The following BSDC1 variants were observed in gnomAD, a reference collection of about 807,000 sequenced individuals.
The protein encoded by BSDC1 is BSD domain containing 1.
A neutral mutation model predicts 56.0 loss-of-function variants in BSDC1; 29 were observed. The observed-to-expected ratio is 0.52, with a 90% CI of 0.39 to 0.71. The LOEUF is 0.71. Among genes scored for constraint, BSDC1 ranks in the 30% least tolerant of loss-of-function variants. The pLI is 0.00. For synonymous variants in BSDC1, 210 were observed against 215.3 expected, an observed-to-expected ratio of 0.98 and a Z score of 0.21; for missense variants, 477 against 548.5, an observed-to-expected ratio of 0.87 and a Z score of 1.30.
chr1:32,390,356 G>A (rs1390873462), intron 2 of BSDC1, among the ~76,000 whole-genome samples: 1 of 152,190 alleles, frequency 6.6e-6, no homozygotes, highest in African/African-American at 2.4e-5. Context: ...GAGAGGATGA[G>A]ACTGGTTCAA....
chr1:32,370,577 G>A (rs1642038695), intron 9 of BSDC1, among the ~76,000 whole-genome samples: 1 of 151,904 alleles, frequency 6.6e-6, no homozygotes, highest in South Asian at 2.1e-4. Flanking sequence ...GCCGAGACAG[G>A]TGGATCACGA....
Position 32,394,428 on chromosome 1 carries a change from C to T in BSDC1, c.-14G>A, listed in dbSNP as rs777566053. On this transcript the variant is annotated 5_prime_UTR_variant, in exon 1 of 11. An upstream start codon of the reference 5' UTR is lost. Coordinates refer to ENST00000455895, the MANE Select transcript of BSDC1 (RefSeq NM_018045.8). ...CCCTTCCGCCATCTTGCCTGCATGACATCACCACTATTTACTGACCTTTGA... is the reference window on the plus strand; with the variant it reads ...CCCTTCCGCCATCTTGCCTGCATGATATCACCACTATTTACTGACCTTTGA... The T allele has an allele frequency of 8.7e-6, 14 of 1,614,104 alleles. No homozygotes were observed. Among genetic ancestry groups the T allele is most frequent in the Non-Finnish European group, 1.2e-5 (14 of 1,180,046 alleles).
At position 32,378,244 on chromosome 1, in the gene BSDC1, A is replaced by G. The variant is rs1642364522; in HGVS notation, c.568T>C (p.Tyr190His). 1.2e-6 allele frequency: 2 copies of G among 1,614,052 alleles called. No individual in the cohort carries two copies. The highest frequency in any genetic ancestry group is 1.3e-5 in the African/African-American group (1 of 74,926). The stretch of plus-strand genomic sequence containing the variant: ...TCTAACTGATGGACTTTATAGAAAT[A>G]CCGATGCCAGAATTCTGAATGGGAA... The part of the protein sequence containing the change: ...AVSHSEFWHR[Y>H]FYKVHQLEQE... The change falls in exon 7 of 11, where the codon TAT becomes CAT. Residue 190 changes from tyrosine (Y) to histidine (H), a missense_variant. Physicochemically the swap from Tyr to His is moderately conservative, Grantham distance 83 (BLOSUM62 2). Coordinates refer to ENST00000455895, the MANE Select transcript of BSDC1 (RefSeq NM_018045.8). This position sits in a 1 kb window ranked among gnomAD's most constrained non-coding sequence, Gnocchi z 5.2.
Position 32,383,831 on chromosome 1 carries a change from T to C in BSDC1, c.356A>G (p.Lys119Arg). The C allele has an allele frequency of 6.2e-7, 1 of 1,612,154 alleles. No individual in the cohort carries two copies. Among genetic ancestry groups the C allele is most frequent in the East Asian group, 2.2e-5 (1 of 44,884 alleles). Reference sequence around the variant, plus strand: ...GCAGGGGAGACTGTCAGTGAATACCTTGGTGCCATCATAGGGCTCAGCTGT... The same window carrying C: ...GCAGGGGAGACTGTCAGTGAATACCCTGGTGCCATCATAGGGCTCAGCTGT... ...SGTAEPYDGT[K>R]ARLYSLQSDP... The change falls in exon 4 of 11, where the codon AAG (lysine) becomes AGG (arginine). Residue 119 changes from lysine (K) to arginine (R), a missense_variant and splice_region_variant. Coordinates refer to ENST00000455895, the MANE Select transcript of BSDC1 (RefSeq NM_018045.8).
intron 2 of BSDC1, among the ~76,000 whole-genome samples, chr1:32,388,267 A>G (rs1242558954): frequency 6.6e-6 from 1 of 152,210 alleles, no homozygotes; most frequent in African/African-American, 2.4e-5. Flanking sequence ...GGCACAGTCT[A>G]TCAGCTACAG....
intron 4 of BSDC1, among the ~76,000 whole-genome samples, chr1:32,382,858 A>G (rs750533540): frequency 6.7e-5 from 9 of 133,692 alleles, no homozygotes; most frequent in Non-Finnish European, 9.3e-5. Context: ...TGACAGAGTG[A>G]GACCGTCTCA....
intron 4 of BSDC1, among the ~76,000 whole-genome samples, chr1:32,381,516 G>GCA (rs1642476945): frequency 6.6e-6 from 1 of 152,186 alleles, no homozygotes; most frequent in African/African-American, 2.4e-5. Flanking sequence ...AGAAAATACA[G>GCA]CATAAGCAGG....
At chr1:32,380,102 A>G (rs559864429) in intron 5 of BSDC1, among the ~76,000 whole-genome samples, 1 of 152,202 alleles carries the variant, frequency 6.6e-6, no homozygotes, top group Admixed American at 6.5e-5. Context: ...CTTTGTGACT[A>G]AAGAGAGGTC....
rs1180573010 is a variant in BSDC1, at chr1:32,394,094, C to T, written c.58G>A (p.Ala20Thr). ...GCCCGGCTTACCTTCTCTTTGACTG[C>T]TTGGTAGCTCTGCTGCAGCCAGCTC... ...WRSWLQQSYQ[A>T]VKEKSSEALE... Residue 20 changes from alanine (A) to threonine (T), a missense_variant, in exon 2 of 11, where the codon GCA (alanine) becomes ACA (threonine). Physicochemically the swap from Ala to Thr is moderately conservative, Grantham distance 58 (BLOSUM62 0). Transcript: ENST00000455895. The T allele has an allele frequency of 3.7e-6, 6 of 1,609,700 alleles. No homozygotes were observed. The highest frequency in any genetic ancestry group is 2.7e-5 in the African/African-American group (2 of 74,836).
intron 9 of BSDC1, among the ~76,000 whole-genome samples, chr1:32,375,862 G>T (rs764640443): frequency 3.3e-5 from 5 of 152,198 alleles, no homozygotes; most frequent in Non-Finnish European, 5.9e-5. Context: ...CATGGGCTTG[G>T]AGTCAGACAG....
At chr1:32,375,636 C>G (rs1173250464) in intron 9 of BSDC1, among the ~76,000 whole-genome samples, 1 of 152,114 alleles carries the variant, frequency 6.6e-6, no homozygotes, top group Non-Finnish European at 1.5e-5. Context: ...AGCTGGGTCG[C>G]TGTAAATTCA....
At chr1:32,369,855 C>T (rs1454655862) in intron 9 of BSDC1, among the ~76,000 whole-genome samples, 3 of 152,236 alleles carry the variant, frequency 2.0e-5, no homozygotes, top group Non-Finnish European at 2.9e-5. Flanking sequence ...TGCAGTGGCA[C>T]GATCTCAGCT....
rs757007870 is a variant in BSDC1, at chr1:32,365,290, A to G, written c.*1332T>C. The G allele has an allele frequency of 2.0e-5, 3 of 152,488 alleles. No individual in the cohort carries two copies. Among genetic ancestry groups the G allele is most frequent in the Admixed American group, 6.6e-5 (1 of 15,264 alleles). 9.4% of individuals were successfully genotyped at this position (152,488 alleles called of 1,614,324 possible). Reference sequence around the variant, plus strand: ...GGAGATGCATTATAATTTAAAATATATAATATTGCACAAACAACCAAAAGG... The same window carrying G: ...GGAGATGCATTATAATTTAAAATATGTAATATTGCACAAACAACCAAAAGG... On this transcript the variant is annotated 3_prime_UTR_variant, in exon 11 of 11. Coordinates refer to ENST00000455895, the MANE Select transcript of BSDC1 (RefSeq NM_018045.8).
chr1:32,385,735 A>C (rs1351263838), intron 3 of BSDC1, among the ~76,000 whole-genome samples: 5 of 152,088 alleles, frequency 3.3e-5, no homozygotes, highest in African/African-American at 4.8e-5. Context: ...TCAAAACAAT[A>C]ACCACCACCA....
At chr1:32,393,817 A>T (rs1267684665) in intron 2 of BSDC1, 1 of 474,010 alleles carries the variant, frequency 2.1e-6, no homozygotes, top group African/African-American at 2.0e-5. Flanking sequence ...GAGCTGGAAT[A>T]AATTGCTCCT....
Position 32,381,224 on chromosome 1 carries a change from A to G in BSDC1, c.402T>C (p.Asn134=). Residue 134 remains asparagine, a synonymous_variant, in exon 5 of 11, where the codon AAT becomes AAC. Transcript: ENST00000455895. ...GTGCTACCCTCTCACCATCTGGTTC[A>G]TTACAGTAGGTTGCTGGGTCCGACT... ...SLQSDPATYC[N]EPDGPPELFD... is the part of the protein sequence containing the mutation. 6.2e-7 allele frequency: 1 copy of G among 1,613,828 alleles called. No homozygotes were observed. Among genetic ancestry groups the G allele is most frequent in the Non-Finnish European group, 8.5e-7 (1 of 1,179,826 alleles).
At chr1:32,367,757 G>T in intron 10 of BSDC1, 1 of 932,366 alleles carries the variant, frequency 1.1e-6, no homozygotes, top group Non-Finnish European at 1.3e-6. Flanking sequence ...GTTTTGTGGG[G>T]TTTATCACTA....
At chr1:32,366,966 A>C (rs1015380912) in intron 10 of BSDC1, 238 of 1,128,902 alleles carry the variant, frequency 2.1e-4, no homozygotes, top group Non-Finnish European at 2.5e-4. Flanking sequence ...CTTTAAGGAG[A>C]ACTTGCCTCC....
intron 9 of BSDC1, among the ~76,000 whole-genome samples, chr1:32,373,395 T>C (rs1641632067): frequency 2.0e-5 from 3 of 152,230 alleles, no homozygotes; most frequent in Admixed American, 1.3e-4. Context: ...TCACCCTTTG[T>C]AGCCCAATTC....
Sources: gnomAD v4.1 joint callset for allele counts (sites outside exome capture counted in the v4.1 genomes callset) on GRCh38, gnomAD v4.1.1 for gene constraint, Gnocchi (gnomAD v3.1) non-coding constraint, MANE v1.5 for transcripts, NCBI Gene and HGNC (gene_info 2026-07-23, HGNC 2026-07-21) for gene names.